Variants in CLASP1 observed in about 807,000 individuals in gnomAD.
CLASP1 encodes the protein cytoplasmic linker associated protein 1, also known as CLIP-associating protein 1.
A neutral mutation model predicts 192.3 loss-of-function variants in CLASP1; 38 were observed. The ratio of observed to expected loss-of-function variants is 0.20; its 90% CI spans 0.15 to 0.26. The LOEUF (loss-of-function observed/expected upper bound fraction) is 0.26, where lower values mean the gene tolerates loss of function less well. Among genes scored for constraint, CLASP1 ranks in the 10% least tolerant of loss-of-function variants. CLASP1 has a pLI of 1.00. For synonymous variants in CLASP1, 691 were observed against 712.8 expected (o/e 0.97, Z 0.49); for missense variants, 1,433 against 1,932.5 (o/e 0.74, Z 4.85).
chr2:121,548,425 A>C (rs2057687366), intron 2 of CLASP1, among the ~76,000 whole-genome samples: 1 of 152,238 alleles, frequency 6.6e-6, no homozygotes, highest in Non-Finnish European at 1.5e-5. Flanking sequence ...TAAAGAAGCC[A>C]AATCTATGAA....
chr2:121,524,441 C>G (rs781129370), intron 6 of CLASP1, among the ~76,000 whole-genome samples: 1 of 151,358 alleles, frequency 6.6e-6, no homozygotes, highest in Non-Finnish European at 1.5e-5. Flanking sequence ...ACATTTATTT[C>G]CCATGCCATA....
intron 1 of CLASP1, among the ~76,000 whole-genome samples, chr2:121,644,450 G>C (rs112273726): frequency 2.0e-5 from 3 of 151,980 alleles, no homozygotes. Context: ...AGGAGTTTGA[G>C]ATCAGCCTGG....
intron 6 of CLASP1, among the ~76,000 whole-genome samples, 180 bp downstream of exon 6, chr2:121,525,665 T>G (rs1457531367): frequency 6.6e-6 from 1 of 152,184 alleles, no homozygotes; most frequent in Admixed American, 6.5e-5. Context: ...AAATGTAAAC[T>G]TATTTTATAC....
chr2:121,452,477 C>T (rs761113365), intron 14 of CLASP1, among the ~76,000 whole-genome samples: 1 of 152,208 alleles, frequency 6.6e-6, no homozygotes, highest in Non-Finnish European at 1.5e-5. Context: ...ATCACCACTT[C>T]GGGTTCTACC....
In CLASP1 at chr2:121,557,576, T is replaced by C. The variant is rs549370142; in HGVS notation, c.196-27251A>G. On this transcript the variant is annotated intron_variant, in intron 2 of 39. Transcript: ENST00000263710. ...TCCAGCCTAGGCGACAGAGTGAGAC[T>C]CTGTCTCTAAATAAATAAATAAATA... Among the ~76,000 whole-genome samples, 288 of 151,572 alleles carry C rather than the reference T, an allele frequency of 1.9e-3. 3 individuals carry two copies. The highest frequency in any genetic ancestry group is 3.4e-3 in the Middle Eastern group (1 of 294).
At chr2:121,595,345 A>T (rs896418598) in intron 2 of CLASP1, among the ~76,000 whole-genome samples, 1 of 152,228 alleles carries the variant, frequency 6.6e-6, no homozygotes. Context: ...ATGCATGCAA[A>T]ACACTTAACA....
chr2:121,470,637 T>C (rs1349700641), intron 8 of CLASP1: 1 of 452,324 alleles, frequency 2.2e-6, no homozygotes, highest in Non-Finnish European at 4.4e-6. Context: ...ATATTGCCAA[T>C]ACTTTCCTAC....
intron 20 of CLASP1, among the ~76,000 whole-genome samples, chr2:121,428,577 G>C (rs1197954602): frequency 1.3e-5 from 2 of 152,216 alleles, no homozygotes; most frequent in Non-Finnish European, 2.9e-5. Flanking sequence ...TCCCACGACA[G>C]ACACTTCTGG....
In CLASP1 at chr2:121,464,125, C is replaced by T. The variant is rs1220512337; in HGVS notation, c.866-1520G>A. ...GTTTTTTGTTCTTGCGATAGTTTACCGAGAATGATGATTTCCAATTTCATC... is the reference window on the plus strand; with the variant it reads ...GTTTTTTGTTCTTGCGATAGTTTACTGAGAATGATGATTTCCAATTTCATC... On this transcript the variant is annotated intron_variant, in intron 9 of 39. Transcript: ENST00000263710. Among the ~76,000 whole-genome samples the T allele has an allele frequency of 2.1e-4, 32 of 151,254 alleles. No homozygotes were observed. In the South Asian group the frequency reaches 2.3e-3, roughly 11 times the overall value.
At chr2:121,638,671 T>TTTTA (rs201288583) in intron 1 of CLASP1, among the ~76,000 whole-genome samples, 34 of 118,098 alleles carry the variant, frequency 2.9e-4, no homozygotes, top group South Asian at 1.3e-3. Context: ...TTCTTTTTTA[T>TTTTA]TTTTTTTTTT....
At chr2:121,374,434 T>C (rs2069500762) in intron 34 of CLASP1, among the ~76,000 whole-genome samples, 1 of 152,216 alleles carries the variant, frequency 6.6e-6, no homozygotes, top group African/African-American at 2.4e-5. Context: ...AATGTGGGGT[T>C]GGAGCCCCCA....
intron 1 of CLASP1, among the ~76,000 whole-genome samples, chr2:121,632,625 G>A (rs1400092476): frequency 6.6e-6 from 1 of 152,206 alleles, no homozygotes; most frequent in East Asian, 1.9e-4. Context: ...CGCTGGACGC[G>A]GTGGCTCATG....
exon 33 of CLASP1, chr2:121,382,301 T>C: frequency 6.3e-7 from 1 of 1,585,866 alleles, no homozygotes; most frequent in Non-Finnish European, 8.6e-7. Context: ...CGCTAACCCG[T>C]CGGCACTCCA....
chr2:121,564,306 A>T (rs1195464636), intron 2 of CLASP1, among the ~76,000 whole-genome samples: 1 of 152,188 alleles, frequency 6.6e-6, no homozygotes, highest in African/African-American at 2.4e-5. Flanking sequence ...TGTTTTAGGA[A>T]TCTATTCTTT....
At chr2:121,448,190 C>T in intron 18 of CLASP1, 86 bp downstream of exon 18, 1 of 1,178,056 alleles carries the variant, frequency 8.5e-7, no homozygotes, top group South Asian at 1.2e-5. Flanking sequence ...AGGCCGTTGG[C>T]CTCCTGTGCC....
At chr2:121,547,946 T>C (rs576068816) in intron 2 of CLASP1, among the ~76,000 whole-genome samples, 2 of 152,276 alleles carry the variant, frequency 1.3e-5, no homozygotes, top group Admixed American at 1.3e-4. Flanking sequence ...CAATCTACAC[T>C]GCAGTTAAAG....
chr2:121,521,646 G>C (rs2104569367), intron 6 of CLASP1, among the ~76,000 whole-genome samples: 1 of 152,316 alleles, frequency 6.6e-6, no homozygotes, highest in Non-Finnish European at 1.5e-5. Flanking sequence ...AGGCCTCCCT[G>C]CTCTGAGTCA....
In CLASP1 at chr2:121,621,801, G is replaced by C. The variant is rs2067398285; in HGVS notation, c.-285-15621C>G. Among the ~76,000 whole-genome samples the C allele has an allele frequency of 2.0e-5, 3 of 152,096 alleles. No individual in the cohort carries two copies. In the South Asian group the frequency reaches 6.2e-4, roughly 32 times the overall value. On this transcript the variant is annotated intron_variant, in intron 1 of 39. Transcript: ENST00000263710. ...CCTTGCATTTCTACATGAGTTTTAA[G>C]ATCAGCTTGTCAATTTCTGCAAACT...
intron 8 of CLASP1, among the ~76,000 whole-genome samples, chr2:121,477,036 T>TA (rs551036837): frequency 1.2e-3 from 186 of 152,368 alleles, no homozygotes; most frequent in Non-Finnish European, 2.1e-3. Flanking sequence ...AGTCTACTGC[T>TA]AGCCTGAGAT....
Sources: gnomAD v4.1 joint callset for allele counts (sites outside exome capture counted in the v4.1 genomes callset) on GRCh38, gnomAD v4.1.1 for gene constraint, MANE v1.5 for transcripts, NCBI Gene and HGNC (gene_info 2026-07-23, HGNC 2026-07-21) for gene names.